CSMD1: variants seen among roughly 807,000 people sequenced by gnomAD.
CSMD1 encodes the protein CUB and sushi domain-containing protein 1.
CSMD1 carries 213 observed loss-of-function variants against 417.5 expected under a neutral mutation model. The ratio of observed to expected loss-of-function variants is 0.51; its 90% CI spans 0.46 to 0.57. CSMD1 has a LOEUF of 0.57. Among genes scored for constraint, CSMD1 ranks in the 20% least tolerant of loss-of-function variants. CSMD1 has a pLI of 0.00. For synonymous variants in CSMD1, 2,862 were observed against 1,736.8 expected (o/e 1.65, Z -16.11); for missense variants, 6,923 against 4,529.7 (o/e 1.53, Z -15.17).
chr8:4,589,462 T>G (rs1563313969), intron 2 of CSMD1, among the ~76,000 whole-genome samples: 1 of 152,204 alleles, frequency 6.6e-6, no homozygotes, highest in African/African-American at 2.4e-5. Flanking sequence ...TTAAGTTAAG[T>G]AAGACAAACT....
chr8:3,163,901 T>G (rs1820051585), intron 37 of CSMD1, among the ~76,000 whole-genome samples: 1 of 152,196 alleles, frequency 6.6e-6, no homozygotes, highest in African/African-American at 2.4e-5. Context: ...TCAGCCTGGC[T>G]GCAGAGTTGC....
chr8:4,453,346 C>T (rs1213078255), intron 2 of CSMD1, among the ~76,000 whole-genome samples: 1 of 152,158 alleles, frequency 6.6e-6, no homozygotes, highest in Non-Finnish European at 1.5e-5. Flanking sequence ...GAACCAACTG[C>T]CCCAGTCTGC....
At chr8:4,426,546 T>C (rs868686179) in intron 2 of CSMD1, among the ~76,000 whole-genome samples, 33 of 147,460 alleles carry the variant, frequency 2.2e-4, no homozygotes, top group African/African-American at 7.6e-4. Flanking sequence ...GTATAATATA[T>C]AGGATATTTA....
chr8:4,483,598 A>G (rs1462154089), intron 2 of CSMD1, among the ~76,000 whole-genome samples: 1 of 152,214 alleles, frequency 6.6e-6, no homozygotes, highest in East Asian at 1.9e-4. Context: ...CATTTTCAAT[A>G]CAAGCATAGG....
chr8:3,138,985 G>A (rs765654940), intron 41 of CSMD1, among the ~76,000 whole-genome samples: 1 of 152,226 alleles, frequency 6.6e-6, no homozygotes, highest in African/African-American at 2.4e-5. Context: ...AGAAAGGTCT[G>A]AGAGCAGTTA....
At chr8:3,464,277 G>T (rs1162360528) in intron 12 of CSMD1, among the ~76,000 whole-genome samples, 6 of 152,064 alleles carry the variant, frequency 3.9e-5, no homozygotes, top group Admixed American at 3.3e-4. Context: ...CCATAAAAAC[G>T]TGGGACCACT....
intron 25 of CSMD1, 108 bp downstream of exon 25, chr8:3,307,587 T>A: frequency 7.9e-6 from 10 of 1,269,116 alleles, no homozygotes; most frequent in Non-Finnish European, 1.1e-5. Flanking sequence ...TTTTCTTCTT[T>A]AGTTCAGAAA....
chr8:3,910,936 T>C (rs1808417957), intron 5 of CSMD1, among the ~76,000 whole-genome samples: 2 of 152,228 alleles, frequency 1.3e-5, no homozygotes, highest in Admixed American at 1.3e-4. Context: ...ATTAGCTTGA[T>C]TGATCACGAC....
At chr8:3,437,280 A>T (rs1236715508) in intron 12 of CSMD1, among the ~76,000 whole-genome samples, 2 of 152,172 alleles carry the variant, frequency 1.3e-5, no homozygotes, top group African/African-American at 4.8e-5. Flanking sequence ...AGGCATCCCA[A>T]ATGACGGAGC....
At chr8:4,850,644 C>A (rs1801417664) in intron 1 of CSMD1, among the ~76,000 whole-genome samples, 1 of 152,078 alleles carries the variant, frequency 6.6e-6, no homozygotes, top group African/African-American at 2.4e-5. Flanking sequence ...ACTCTTCCAT[C>A]AGAACAAAGT....
intron 1 of CSMD1, among the ~76,000 whole-genome samples, chr8:4,960,853 T>C (rs563248211): frequency 2.0e-5 from 3 of 152,262 alleles, no homozygotes; most frequent in South Asian, 4.1e-4. Context: ...ATAAGTTATA[T>C]AATAATAAAA....
At chr8:4,862,614 G>C (rs972866770) in intron 1 of CSMD1, among the ~76,000 whole-genome samples, 1 of 151,944 alleles carries the variant, frequency 6.6e-6, no homozygotes, top group Admixed American at 6.6e-5. Flanking sequence ...ATTGGAATAC[G>C]GTTTTAGAGA....
At chr8:4,073,190 G>C (rs1009849347) in intron 3 of CSMD1, among the ~76,000 whole-genome samples, 2 of 152,050 alleles carry the variant, frequency 1.3e-5, no homozygotes, top group African/African-American at 2.4e-5. Context: ...GCACTTCAAA[G>C]AACGCTCACA....
chr8:3,261,608 G>A (rs7820456), intron 26 of CSMD1, among the ~76,000 whole-genome samples: 38,879 of 152,046 alleles, frequency 0.26, 5,172 homozygotes, highest in African/African-American at 0.31. Flanking sequence ...GGTGTCCTTC[G>A]GCGGTGAGTG....
At chr8:4,332,389 C>T (rs186512049) in intron 3 of CSMD1, among the ~76,000 whole-genome samples, 4 of 152,026 alleles carry the variant, frequency 2.6e-5, no homozygotes, top group Admixed American at 1.3e-4. Flanking sequence ...TCCTACCATG[C>T]GGCAGGAGGA....
intron 49 of CSMD1, among the ~76,000 whole-genome samples, chr8:3,068,400 A>G (rs1813090344): frequency 6.6e-6 from 1 of 152,134 alleles, no homozygotes; most frequent in African/African-American, 2.4e-5. Context: ...AAAAATCCCC[A>G]CACTTCACAT....
chr8:4,416,684 G>T (rs1375173322), intron 3 of CSMD1, among the ~76,000 whole-genome samples: 1 of 152,018 alleles, frequency 6.6e-6, no homozygotes, highest in Non-Finnish European at 1.5e-5. Context: ...ATTTTTAGAT[G>T]ACCGTGTATC....
chr8:3,071,861 T>A (rs184184920), intron 49 of CSMD1, among the ~76,000 whole-genome samples: 23 of 152,304 alleles, frequency 1.5e-4, no homozygotes, highest in African/African-American at 3.9e-4. Context: ...GAAGGCAGCA[T>A]CTATCACAGA....
At position 3,701,153 on chromosome 8, in the gene CSMD1, A is replaced by G. The variant is rs1337578946; in HGVS notation, c.1009+7261T>C. On this transcript the variant is annotated intron_variant, in intron 7 of 69. Coordinates refer to ENST00000635120, the MANE Select transcript of CSMD1 (RefSeq NM_033225.6). ...AGAGGGAGAGAGATGCCTGTTAGAC[A>G]TCAACGTGACTCCCAAGTAAGCCCG... is the stretch of plus-strand genomic sequence containing the variant. 2.6e-5 allele frequency among the ~76,000 whole-genome samples: 4 copies of G among 152,226 alleles called. No individual in the cohort carries two copies. In the East Asian group the frequency reaches 7.7e-4, roughly 29 times the overall value.
Sources: allele counts gnomAD v4.1 joint callset (sites outside exome capture counted in the v4.1 genomes callset), GRCh38; gene constraint gnomAD v4.1.1; transcripts MANE v1.5; gene names NCBI Gene and HGNC (gene_info 2026-07-23, HGNC 2026-07-21).